Variants in H2BC4 observed in about 807,000 individuals in gnomAD.
H2BC4 encodes the protein histone H2B type 1-C/E/F/G/I.
H2BC4 carries 10 observed loss-of-function variants against 6.2 expected under a neutral mutation model. That is an observed-to-expected ratio of 1.61 (90% CI 0.99 to 2.73). The LOEUF is 2.73. H2BC4 is among the 30% of genes most tolerant of loss of function. The pLI, the probability that H2BC4 is intolerant of heterozygous loss-of-function variation, is 0.00. For synonymous variants in H2BC4, 146 were observed against 70.7 expected (o/e 2.07, Z -5.35); for missense variants, 176 against 168.7 (o/e 1.04, Z -0.24).
chr6:26,121,801 C>A (rs1028694251), downstream of H2BC4, among the ~76,000 whole-genome samples: 1 of 151,018 alleles, frequency 6.6e-6, no homozygotes, highest in African/African-American at 2.4e-5. Context: ...AGCCTGTAAT[C>A]CAGGACTTTG....
intron 1 of H2BC4, among the ~76,000 whole-genome samples, chr6:26,118,184 A>G (rs1047185877): frequency 1.5e-4 from 22 of 144,146 alleles, no homozygotes; most frequent in African/African-American, 4.2e-4. Flanking sequence ...AATAATCTGC[A>G]TATTAGAGAA....
At chr6:26,122,247 T>C (rs1763508200), downstream of H2BC4, among the ~76,000 whole-genome samples, 1 of 152,146 alleles carries the variant, frequency 6.6e-6, no homozygotes, top group African/African-American at 2.4e-5. Context: ...AAATTGCAGA[T>C]TTAAGATCAC....
chr6:26,123,404 T>C (rs116104991), downstream of H2BC4: 403 of 1,510,892 alleles, frequency 2.7e-4, 3 homozygotes, highest in African/African-American at 5.0e-3. Flanking sequence ...GTTCCTATAT[T>C]CTAATACCCC....
rs1763555886 is a variant in H2BC4 at position 26,123,730 on chromosome 6, C to A, written c.175G>T (p.Ala59Ser). The change falls in exon 1 of 1, where the codon GCC becomes TCC. Residue 59 changes from alanine (A) to serine (S), a missense_variant. Transcript: ENST00000396984. ...ACGAAAGAATTCATGATGCCCATGG[C>A]CTTGGAAGAGATGCCAGTGTCGGGA... ...VHPDTGISSK[A>S]MGIMNSFVND... 6.2e-7 allele frequency: 1 copy of A among 1,614,254 alleles called. No homozygotes were observed. Among genetic ancestry groups the A allele is most frequent in the South Asian group, 1.1e-5 (1 of 91,090 alleles).
chr6:26,118,995 G>A (rs914979115), downstream of H2BC4, among the ~76,000 whole-genome samples: 5 of 151,676 alleles, frequency 3.3e-5, no homozygotes, highest in Admixed American at 3.3e-4. Flanking sequence ...TAAATTGAAT[G>A]TACCACATTA....
At chr6:26,120,910 T>C (rs1192520052), downstream of H2BC4, among the ~76,000 whole-genome samples, 1 of 152,230 alleles carries the variant, frequency 6.6e-6, no homozygotes, top group African/African-American at 2.4e-5. Context: ...ATAGCAGTTA[T>C]TGAGACCAGA....
At chr6:26,122,835 G>T (rs1012811613), downstream of H2BC4, among the ~76,000 whole-genome samples, 2 of 152,206 alleles carry the variant, frequency 1.3e-5, no homozygotes, top group Non-Finnish European at 2.9e-5. Flanking sequence ...CAGTTGAATA[G>T]AATAAGATGT....
chr6:26,123,914 C>A lies in H2BC4; in HGVS notation c.-10G>T. The A allele has an allele frequency of 6.2e-7, 1 of 1,611,568 alleles. No homozygotes were observed. Among genetic ancestry groups the A allele is most frequent in the Non-Finnish European group, 8.5e-7 (1 of 1,179,386 alleles). ...TGGCTGGCTCAGGCATCTTAAAACA[C>A]CAGAAATGTGTCGAAAGTAAAGAGC... On this transcript the variant is annotated 5_prime_UTR_variant, in exon 1 of 1. Transcript: ENST00000396984.
intron 1 of H2BC4, among the ~76,000 whole-genome samples, chr6:26,117,557 G>A (rs898788577): frequency 6.6e-6 from 1 of 152,076 alleles, no homozygotes; most frequent in Non-Finnish European, 1.5e-5. Context: ...ATGATACCAC[G>A]TCTGGAACTA....
At chr6:26,117,930 T>C (rs1025716719) in intron 1 of H2BC4, among the ~76,000 whole-genome samples, 33 of 152,284 alleles carry the variant, frequency 2.2e-4, no homozygotes, top group Middle Eastern at 6.8e-3. Flanking sequence ...TAGAAACAAT[T>C]AGTGATTCTC....
chr6:26,115,944 G>C (rs1023399223), intron 1 of H2BC4, among the ~76,000 whole-genome samples: 2 of 151,926 alleles, frequency 1.3e-5, no homozygotes, highest in Non-Finnish European at 2.9e-5. Flanking sequence ...GCCTACAGTT[G>C]AGTTTGGGCA....
chr6:26,114,681 T>C (rs907027297), downstream of H2BC4, among the ~76,000 whole-genome samples: 3 of 152,068 alleles, frequency 2.0e-5, no homozygotes, highest in East Asian at 3.9e-4. Context: ...AAAATGGGAA[T>C]CAATTGAAGT....
In H2BC4 at chr6:26,123,740, G is replaced by A. The variant is rs752887874; in HGVS notation, c.165C>T (p.Ile55=). 5.0e-6 allele frequency: 8 copies of A among 1,614,268 alleles called. No individual in the cohort carries two copies. Among genetic ancestry groups the A allele is most frequent in the Admixed American group, 1.7e-5 (1 of 60,034 alleles). Residue 55 remains isoleucine (I), a synonymous_variant, in exon 1 of 1, where the codon ATC becomes ATT. Transcript: ENST00000396984. The stretch of plus-strand genomic sequence containing the variant: ...TCATGATGCCCATGGCCTTGGAAGA[G>A]ATGCCAGTGTCGGGATGGACCTGTT... ...VLKQVHPDTG[I]SSKAMGIMNS...
rs772024840 is a variant in H2BC4, at chr6:26,123,905, C to G, written c.-1G>C. 7 of 1,612,738 alleles carry G rather than the reference C, an allele frequency of 4.3e-6. No homozygotes were observed. In the East Asian group the frequency reaches 1.3e-4, roughly 31 times the overall value. On this transcript the variant is annotated 5_prime_UTR_variant, in exon 1 of 1. Coordinates refer to ENST00000396984, the MANE Select transcript of H2BC4 (RefSeq NM_003526.3). ...GAGCAGACTTGGCTGGCTCAGGCAT[C>G]TTAAAACACCAGAAATGTGTCGAAA...
chr6:26,123,073 A>C (rs1192538791), downstream of H2BC4, among the ~76,000 whole-genome samples: 1 of 152,114 alleles, frequency 6.6e-6, no homozygotes, highest in Non-Finnish European at 1.5e-5. Flanking sequence ...TGTAAATCAG[A>C]GTCTCAAAAC....
At chr6:26,117,129 C>G (rs1160948317) in intron 1 of H2BC4, among the ~76,000 whole-genome samples, 11 of 152,050 alleles carry the variant, frequency 7.2e-5, no homozygotes, top group Admixed American at 6.5e-5. Context: ...TGTATTTTTT[C>G]TCAACCTGTT....
chr6:26,120,625 G>C (rs575219923), downstream of H2BC4, among the ~76,000 whole-genome samples: 7 of 152,318 alleles, frequency 4.6e-5, no homozygotes, highest in African/African-American at 1.7e-4. Context: ...TGGCACCACT[G>C]CTGAGAATAT....
At chr6:26,121,765 C>A (rs529945718), downstream of H2BC4, among the ~76,000 whole-genome samples, 144 of 150,888 alleles carry the variant, frequency 9.5e-4, no homozygotes, top group Middle Eastern at 6.8e-3. Flanking sequence ...AAAAAAAAAA[C>A]CATTTAGGCC....
chr6:26,122,555 T>TA (rs796800948), downstream of H2BC4, among the ~76,000 whole-genome samples: 3 of 152,084 alleles, frequency 2.0e-5, no homozygotes, highest in African/African-American at 7.2e-5. Flanking sequence ...CTCTAGGAGA[T>TA]ACAGTGTATG....
Sources: gnomAD v4.1 joint callset for allele counts (sites outside exome capture counted in the v4.1 genomes callset) on GRCh38, gnomAD v4.1.1 for gene constraint, MANE v1.5 for transcripts, NCBI Gene and HGNC (gene_info 2026-07-23, HGNC 2026-07-21) for gene names.